GOLGA7: variants seen among roughly 807,000 people sequenced by gnomAD.
The protein encoded by GOLGA7 is golgin subfamily A member 7.
Under a neutral mutation model 21.1 loss-of-function variants are expected in GOLGA7, and 10 were observed. That is an observed-to-expected ratio of 0.47 (90% CI 0.29 to 0.80). The LOEUF (loss-of-function observed/expected upper bound fraction) is 0.80, where lower values mean the gene tolerates loss of function less well. Ranked by LOEUF, GOLGA7 falls within the 30% of genes least tolerant of loss-of-function variation. The pLI, the probability that GOLGA7 is intolerant of heterozygous loss-of-function variation, is 0.08. For missense variants in GOLGA7, 114 were observed against 166.8 expected (o/e 0.68, Z 1.74); for synonymous variants, 64 against 62.6 (o/e 1.02, Z -0.10).
chr8:41,491,565 T>A (rs1196451478), intron 1 of GOLGA7, among the ~76,000 whole-genome samples: 1 of 152,170 alleles, frequency 6.6e-6, no homozygotes, highest in East Asian at 1.9e-4. Flanking sequence ...GGGAGCCACC[T>A]GTTTTGTCTT....
intron 1 of GOLGA7, among the ~76,000 whole-genome samples, chr8:41,492,903 CTG>C (rs1003265568): frequency 1.3e-4 from 20 of 152,222 alleles, no homozygotes; most frequent in African/African-American, 4.8e-4. Flanking sequence ...GCCTTCCACT[CTG>C]TGTGTGGCAG....
At chr8:41,504,115 T>A (rs1585603842) in intron 2 of GOLGA7, among the ~76,000 whole-genome samples, 3 of 19,622 alleles carry the variant, frequency 1.5e-4, no homozygotes, top group Non-Finnish European at 1.3e-4. Flanking sequence ...AAACTTAGAG[T>A]ATAATAAAAA....
At chr8:41,505,811 C>T in intron 2 of GOLGA7, 100 bp from the exon 3 acceptor site, 1 of 608,358 alleles carries the variant, frequency 1.6e-6, no homozygotes, top group South Asian at 2.2e-5. Context: ...ATGTGACTTG[C>T]CTTGAAAACG....
chr8:41,491,105 C>G, intron 1 of GOLGA7, 140 bp downstream of exon 1: 1 of 632,176 alleles, frequency 1.6e-6, no homozygotes, highest in Non-Finnish European at 2.9e-6. Context: ...CTTGGCCAAA[C>G]GTGTAAGAAG....
intron 1 of GOLGA7, among the ~76,000 whole-genome samples, chr8:41,491,925 G>A (rs565061074): frequency 5.7e-4 from 87 of 152,282 alleles, no homozygotes; most frequent in Non-Finnish European, 1.1e-3. Flanking sequence ...TTGGGTGTGG[G>A]ACTGAGAGAT....
chr8:41,507,193 A>G, intron 4 of GOLGA7, 72 bp downstream of exon 4: 4 of 752,852 alleles, frequency 5.3e-6, no homozygotes, highest in Non-Finnish European at 7.4e-6. Flanking sequence ...TCTTCCCCGC[A>G]TGGTAAATAA....
chr8:41,496,877 G>A (rs1305563895), intron 1 of GOLGA7, among the ~76,000 whole-genome samples: 3 of 132,998 alleles, frequency 2.3e-5, no homozygotes, highest in African/African-American at 2.9e-5. Flanking sequence ...GCGCAGTCTC[G>A]GCTCACTGCA....
intron 2 of GOLGA7, among the ~76,000 whole-genome samples, chr8:41,498,036 G>A (rs563574937): frequency 6.6e-6 from 1 of 152,232 alleles, no homozygotes; most frequent in East Asian, 1.9e-4. Flanking sequence ...CCGAATTGCT[G>A]ATTTCTCAAC....
chr8:41,490,998 C>T, intron 1 of GOLGA7, 33 bp downstream of exon 1: 1 of 1,231,232 alleles, frequency 8.1e-7, no homozygotes, highest in South Asian at 1.3e-5. Context: ...CCTGCTCTGG[C>T]GAGGGAGAGA....
At chr8:41,507,918 C>A (rs1806327072) in intron 4 of GOLGA7, among the ~76,000 whole-genome samples, 1 of 152,192 alleles carries the variant, frequency 6.6e-6, no homozygotes, top group Non-Finnish European at 1.5e-5. Context: ...TGTACCAAAG[C>A]AGACACATGT....
chr8:41,496,840 C>G (rs1806028492), intron 1 of GOLGA7, among the ~76,000 whole-genome samples: 1 of 132,104 alleles, frequency 7.6e-6, no homozygotes, highest in Admixed American at 8.6e-5. Flanking sequence ...CGGAGTCTCG[C>G]TCTGTCACCC....
intron 1 of GOLGA7, among the ~76,000 whole-genome samples, chr8:41,493,281 A>G (rs958953081): frequency 6.6e-6 from 1 of 152,178 alleles, no homozygotes; most frequent in Admixed American, 6.5e-5. Context: ...TACCCTAGAA[A>G]TTTTACTGAT....
intron 1 of GOLGA7, among the ~76,000 whole-genome samples, chr8:41,495,496 G>A (rs559994693): frequency 2.0e-5 from 3 of 151,596 alleles, no homozygotes; most frequent in Admixed American, 2.0e-4. Flanking sequence ...TGTTGCCCAG[G>A]CTGGTCTCAA....
At chr8:41,497,410 A>G (rs1306707601) in intron 1 of GOLGA7, 99 bp from the exon 2 acceptor site, 4 of 686,454 alleles carry the variant, frequency 5.8e-6, no homozygotes, top group African/African-American at 5.4e-5. Context: ...AAAAATTGTC[A>G]ACTAAGAATG....
intron 2 of GOLGA7, among the ~76,000 whole-genome samples, chr8:41,500,054 G>GCCCT: frequency 6.6e-6 from 1 of 152,154 alleles, no homozygotes; most frequent in Non-Finnish European, 1.5e-5. Context: ...AAGGCTCAGG[G>GCCCT]GATTTGTTTG....
intron 2 of GOLGA7, among the ~76,000 whole-genome samples, chr8:41,505,533 A>T (rs554042601): frequency 6.6e-6 from 1 of 152,224 alleles, no homozygotes; most frequent in Admixed American, 6.5e-5. Context: ...AAGATGTCAC[A>T]TTAACAGCAC....
At chr8:41,494,777 A>G (rs1400342623) in intron 1 of GOLGA7, among the ~76,000 whole-genome samples, 2 of 152,198 alleles carry the variant, frequency 1.3e-5, no homozygotes, top group African/African-American at 4.8e-5. Context: ...AGCCAACACC[A>G]CTTTAAAGTT....
Position 41,495,575 on chromosome 8 carries a change from C to T in GOLGA7, c.112-1934C>T, listed in dbSNP as rs372970352. Among the ~76,000 whole-genome samples, 55 of 150,976 alleles carry T rather than the reference C, an allele frequency of 3.6e-4. 1 individual carries two copies. The South Asian group carries it at 0.011, about 30-fold the overall frequency. On this transcript the variant is annotated intron_variant, in intron 1 of 4. Coordinates refer to ENST00000357743, the MANE Select transcript of GOLGA7 (RefSeq NM_001002296.2). Reference sequence around the variant, plus strand: ...CTGGGATTACAGGAATGAGCCACCACGCCAGCCTGATTTTTTTTTTTCTGA... The same window carrying T: ...CTGGGATTACAGGAATGAGCCACCATGCCAGCCTGATTTTTTTTTTTCTGA...
intron 1 of GOLGA7, among the ~76,000 whole-genome samples, chr8:41,496,005 G>C (rs1806003393): frequency 1.3e-5 from 2 of 152,070 alleles, no homozygotes; most frequent in Admixed American, 1.3e-4. Flanking sequence ...CAGTTTTTGG[G>C]GTTTTTTTAG....
Sources: allele counts gnomAD v4.1 joint callset (sites outside exome capture counted in the v4.1 genomes callset), GRCh38; gene constraint gnomAD v4.1.1; transcripts MANE v1.5; gene names NCBI Gene and HGNC (gene_info 2026-07-23, HGNC 2026-07-21).